Variants in FAM228B observed in about 807,000 individuals in gnomAD.
FAM228B encodes the protein family with sequence similarity 228 member B.
A neutral mutation model predicts 42.6 loss-of-function variants in FAM228B; 38 were observed. The observed-to-expected ratio is 0.89, with a 90% CI of 0.69 to 1.17. FAM228B has a LOEUF of 1.17. Among genes scored for constraint, FAM228B ranks in the 50% most tolerant of loss-of-function variants. The pLI is 0.00. For synonymous variants in FAM228B, 109 were observed against 122.3 expected, an observed-to-expected ratio of 0.89 and a Z score of 0.72; for missense variants, 344 against 367.3, an observed-to-expected ratio of 0.94 and a Z score of 0.52.
intron 10 of FAM228B, among the ~76,000 whole-genome samples, chr2:24,168,675 A>G (rs1667488605): frequency 6.6e-6 from 1 of 152,166 alleles, no homozygotes; most frequent in Non-Finnish European, 1.5e-5. Flanking sequence ...TATCAGCGAT[A>G]TTGATATTAT....
In FAM228B at chr2:24,124,383, G is replaced by T. The variant is rs1573757783; in HGVS notation, c.22G>T (p.Asp8Tyr). The T allele has an allele frequency of 6.4e-7, 1 of 1,550,866 alleles. No individual in the cohort carries two copies. Among genetic ancestry groups the T allele is most frequent in the Non-Finnish European group, 8.7e-7 (1 of 1,146,670 alleles). MKNVDSDDLVTGTLPKLK... is the reference protein window; with the variant it reads MKNVDSDYLVTGTLPKLK... ...CACAATGAAAAATGTAGACAGTGAT[G>T]ATCTGGTAACTGGCACACTTCCCAA... The change falls in exon 2 of 11, where the codon GAT (aspartate) becomes TAT (tyrosine). Residue 8 changes from aspartate (D) to tyrosine (Y), a missense_variant. Physicochemically the swap from Asp to Tyr is radical, Grantham distance 160. Transcript: ENST00000615575.
At chr2:24,088,452 G>A (rs1225085676) in intron 2 of FAM228B, among the ~76,000 whole-genome samples, 6 of 152,058 alleles carry the variant, frequency 3.9e-5, no homozygotes, top group Admixed American at 6.6e-5. Context: ...CTGGGTTTAC[G>A]TGATTCTCCT....
At chr2:24,144,283 A>AG (rs746981463) in intron 5 of FAM228B, among the ~76,000 whole-genome samples, 1 of 152,022 alleles carries the variant, frequency 6.6e-6, no homozygotes, top group African/African-American at 2.4e-5. Flanking sequence ...TACAAAAAAA[A>AG]TTAAAAACTA....
intron 2 of FAM228B, chr2:24,081,072 CT>C: frequency 6.4e-7 from 1 of 1,557,756 alleles, no homozygotes; most frequent in Non-Finnish European, 8.8e-7. Context: ...TTTGCAACTG[CT>C]ACACATTCCC....
chr2:24,168,751 G>T (rs939088235), intron 10 of FAM228B, among the ~76,000 whole-genome samples: 1 of 152,136 alleles, frequency 6.6e-6, no homozygotes, highest in Non-Finnish European at 1.5e-5. Flanking sequence ...TGGAGAGAGA[G>T]GGGGTATAAT....
chr2:24,132,603 T>C (rs762589185), intron 2 of FAM228B, among the ~76,000 whole-genome samples: 1 of 151,908 alleles, frequency 6.6e-6, no homozygotes, highest in Non-Finnish European at 1.5e-5. Context: ...CAGGAATTTA[T>C]CCATTTCTTC....
At chr2:24,092,359 G>A (rs1665410369) in intron 2 of FAM228B, among the ~76,000 whole-genome samples, 1 of 151,538 alleles carries the variant, frequency 6.6e-6, no homozygotes. Flanking sequence ...TGGATTATTT[G>A]AGGTCAGAAG....
At chr2:24,126,671 C>T (rs545967606) in intron 2 of FAM228B, among the ~76,000 whole-genome samples, 40 of 150,672 alleles carry the variant, frequency 2.7e-4, no homozygotes, top group Admixed American at 9.9e-4. Flanking sequence ...AACGCAGTGG[C>T]GTGATCTCAG....
chr2:24,110,230 G>A (rs887747235), intron 3 of FAM228B, among the ~76,000 whole-genome samples: 1 of 152,140 alleles, frequency 6.6e-6, no homozygotes, highest in Non-Finnish European at 1.5e-5. Flanking sequence ...AGCTAAACAA[G>A]GAGAACACGT....
At chr2:24,081,735 C>A (rs1441660873) in intron 2 of FAM228B, among the ~76,000 whole-genome samples, 1 of 149,644 alleles carries the variant, frequency 6.7e-6, no homozygotes, top group East Asian at 2.0e-4. Context: ...GTCACCCAGG[C>A]TGGAGTGCAG....
intron 3 of FAM228B, among the ~76,000 whole-genome samples, chr2:24,101,947 G>T (rs1665618157): frequency 6.6e-6 from 1 of 152,144 alleles, no homozygotes; most frequent in Non-Finnish European, 1.5e-5. Flanking sequence ...TTCCCAAAGC[G>T]CTGGGATTAC....
At chr2:24,082,724 C>T (rs1665059512) in intron 2 of FAM228B, among the ~76,000 whole-genome samples, 1 of 152,210 alleles carries the variant, frequency 6.6e-6, no homozygotes, top group African/African-American at 2.4e-5. Flanking sequence ...CCATGATTCT[C>T]AGCCTCAACA....
At chr2:24,105,757 T>C (rs958896101) in intron 3 of FAM228B, among the ~76,000 whole-genome samples, 1 of 152,096 alleles carries the variant, frequency 6.6e-6, no homozygotes, top group Admixed American at 6.6e-5. Context: ...ATAGCCTCTA[T>C]AAAAAAGAAC....
intron 7 of FAM228B, among the ~76,000 whole-genome samples, chr2:24,147,896 A>G (rs1666934342): frequency 6.9e-6 from 1 of 145,654 alleles, no homozygotes; most frequent in African/African-American, 2.5e-5. Context: ...ATCTCTTGAC[A>G]ATGGCTTGTT....
At chr2:24,132,146 AT>A (rs1328405570) in intron 2 of FAM228B, among the ~76,000 whole-genome samples, 1 of 152,204 alleles carries the variant, frequency 6.6e-6, no homozygotes, top group Non-Finnish European at 1.5e-5. Context: ...TGATTTGCAT[AT>A]GTGGAACCAG....
intron 7 of FAM228B, among the ~76,000 whole-genome samples, chr2:24,151,523 G>A (rs887948016): frequency 6.6e-6 from 1 of 151,242 alleles, no homozygotes; most frequent in South Asian, 2.1e-4. Flanking sequence ...AACTCCTGAC[G>A]TCAGGTGATC....
At chr2:24,140,170 G>A (rs1194414489) in intron 5 of FAM228B, among the ~76,000 whole-genome samples, 1 of 151,974 alleles carries the variant, frequency 6.6e-6, no homozygotes, top group Non-Finnish European at 1.5e-5. Flanking sequence ...GCACAGATGT[G>A]GTGTTTTGTT....
upstream of FAM228B, among the ~76,000 whole-genome samples, chr2:24,119,118 T>C (rs1666017127): frequency 6.6e-6 from 1 of 152,116 alleles, no homozygotes; most frequent in Non-Finnish European, 1.5e-5. Flanking sequence ...GTAAAATGTC[T>C]CTTTATATAG....
At position 24,111,866 on chromosome 2, in the gene FAM228B, A is replaced by AG. The variant is rs960480458; in HGVS notation, c.-121+16637_-121+16638insG. 1.6e-4 allele frequency among the ~76,000 whole-genome samples: 25 copies of AG among 152,204 alleles called. No homozygotes were observed. In the Middle Eastern group the frequency reaches 0.01, roughly 62 times the overall value. On this transcript the variant is annotated intron_variant, in intron 3 of 10. Coordinates refer to the FAM228B transcript ENST00000613899. Reference sequence around the variant, plus strand: ...TACATACAACTCCCATCTGCCAAAAAAAACCCCTCAACTGCATGTTACAAG... The same window carrying AG: ...TACATACAACTCCCATCTGCCAAAAAGAAACCCCTCAACTGCATGTTACAAG...
Sources: gnomAD v4.1 joint callset for allele counts (sites outside exome capture counted in the v4.1 genomes callset) on GRCh38, gnomAD v4.1.1 for gene constraint, MANE v1.5 for transcripts, NCBI Gene and HGNC (gene_info 2026-07-23, HGNC 2026-07-21) for gene names.